Variants in MEI4 observed in about 807,000 individuals in gnomAD.
MEI4 encodes meiosis-specific protein MEI4.
Under a neutral mutation model 31.4 loss-of-function variants are expected in MEI4, and 27 were observed. The ratio of observed to expected loss-of-function variants is 0.86; its 90% CI spans 0.63 to 1.19. MEI4 has a LOEUF of 1.19. MEI4 is among the 50% of genes most tolerant of loss of function. MEI4 has a pLI of 0.00. For synonymous variants in MEI4, 122 were observed against 145.4 expected, an observed-to-expected ratio of 0.84 and a Z score of 1.16; for missense variants, 329 against 398.9, an observed-to-expected ratio of 0.82 and a Z score of 1.49.
intron 4 of MEI4, among the ~76,000 whole-genome samples, chr6:77,888,977 T>C (rs1315764189): frequency 1.3e-5 from 2 of 152,192 alleles, no homozygotes. Context: ...ACATATGTGC[T>C]TCCCCTTCCT....
At chr6:77,733,022 G>C (rs540088663) in intron 2 of MEI4, among the ~76,000 whole-genome samples, 1 of 151,654 alleles carries the variant, frequency 6.6e-6, no homozygotes, top group African/African-American at 2.4e-5. Flanking sequence ...TGCTGGATTC[G>C]TTTTGCCAGT....
At chr6:77,865,583 A>T (rs1162651853) in intron 4 of MEI4, among the ~76,000 whole-genome samples, 4 of 152,222 alleles carry the variant, frequency 2.6e-5, no homozygotes, top group African/African-American at 4.8e-5. Flanking sequence ...TGAGGCAATA[A>T]TTAATAGCTT....
At chr6:77,748,516 T>A (rs1419628036) in intron 2 of MEI4, among the ~76,000 whole-genome samples, 2 of 152,154 alleles carry the variant, frequency 1.3e-5, no homozygotes, top group Non-Finnish European at 2.9e-5. Context: ...AGCAGGAGTG[T>A]GGTCCTGGGC....
intron 2 of MEI4, among the ~76,000 whole-genome samples, chr6:77,743,006 C>T (rs912505233): frequency 2.6e-5 from 4 of 151,984 alleles, no homozygotes; most frequent in African/African-American, 9.7e-5. Flanking sequence ...CAGTACCATG[C>T]TGTTTTGGTT....
At chr6:77,799,403 A>T (rs1469844276) in intron 3 of MEI4, among the ~76,000 whole-genome samples, 1 of 151,992 alleles carries the variant, frequency 6.6e-6, no homozygotes, top group Admixed American at 6.6e-5. Flanking sequence ...GCCCTTTGTC[A>T]GATGAGTAGG....
At chr6:77,774,000 AAGAC>A (rs969826353) in intron 3 of MEI4, among the ~76,000 whole-genome samples, 11 of 152,226 alleles carry the variant, frequency 7.2e-5, no homozygotes, top group African/African-American at 2.4e-4. Flanking sequence ...TTTTATTAAA[AAGAC>A]AGATAATGAC....
chr6:77,904,662 G>A (rs1766253785), intron 4 of MEI4, among the ~76,000 whole-genome samples: 1 of 152,108 alleles, frequency 6.6e-6, no homozygotes, highest in African/African-American at 2.4e-5. Flanking sequence ...TATGACTGCA[G>A]AATATTCCAT....
intron 1 of MEI4, among the ~76,000 whole-genome samples, chr6:77,655,137 T>C (rs1348889677): frequency 4.5e-4 from 69 of 152,176 alleles, no homozygotes; most frequent in Admixed American, 4.5e-3. Context: ...CTCCCACTTA[T>C]GACTGAGAAC....
intron 4 of MEI4, among the ~76,000 whole-genome samples, chr6:77,919,876 C>T (rs377593004): frequency 1.7e-4 from 26 of 149,838 alleles, no homozygotes; most frequent in African/African-American, 3.9e-4. Flanking sequence ...AACACCTCTA[C>T]GCAAATAAAC....
chr6:77,793,307 T>C (rs1768989068), intron 3 of MEI4, among the ~76,000 whole-genome samples: 1 of 152,192 alleles, frequency 6.6e-6, no homozygotes, highest in South Asian at 2.1e-4. Flanking sequence ...AAGCTGTCCT[T>C]CATAAATGAA....
Position 77,761,252 on chromosome 6 carries a change from C to T in MEI4, c.355C>T (p.Gln119Ter). ...GAGAACTGAATCCTCAGACCTGTCCCAGCACTTTGTGGAAAGCTGTACCCC... is the reference window on the plus strand; with the variant it reads ...GAGAACTGAATCCTCAGACCTGTCCTAGCACTTTGTGGAAAGCTGTACCCC... Reference protein sequence around the residue: ...EQRTESSDLSQHFVESCTPTH... With the variant: ...EQRTESSDLS The change falls in exon 3 of 5, where the codon CAG becomes TAG. Residue 119 changes from glutamine (Q) to a stop codon, truncating the protein, a stop_gained. Transcript: ENST00000684080. LOFTEE classifies it high-confidence loss of function. The T allele has an allele frequency of 8.1e-7, 1 of 1,232,580 alleles. No individual in the cohort carries two copies. 76.4% of individuals were successfully genotyped at this position (1,232,580 alleles called of 1,614,324 possible). A position where few individuals can be genotyped will look rare whatever the true frequency, so the allele number is the denominator to read the frequency against.
intron 1 of MEI4, among the ~76,000 whole-genome samples, chr6:77,682,051 G>C (rs1339726621): frequency 6.6e-6 from 1 of 152,166 alleles, no homozygotes; most frequent in Non-Finnish European, 1.5e-5. Flanking sequence ...TTACATGTTA[G>C]ACCTTGTCCA....
At chr6:77,681,214 A>G (rs573959738) in intron 1 of MEI4, among the ~76,000 whole-genome samples, 27 of 152,094 alleles carry the variant, frequency 1.8e-4, no homozygotes, top group Non-Finnish European at 3.5e-4. Context: ...GATTCATCCT[A>G]TGTTCATTCT....
At chr6:77,840,577 T>C (rs868784628) in intron 4 of MEI4, among the ~76,000 whole-genome samples, 1 of 152,106 alleles carries the variant, frequency 6.6e-6, no homozygotes, top group Non-Finnish European at 1.5e-5. Flanking sequence ...CTAAAGATAA[T>C]TCTTTCTCCT....
chr6:77,852,131 G>A (rs1194566097), intron 4 of MEI4, among the ~76,000 whole-genome samples: 4 of 152,192 alleles, frequency 2.6e-5, no homozygotes, highest in Non-Finnish European at 4.4e-5. Flanking sequence ...TTTGCTCTAA[G>A]AACTTAAATG....
intron 4 of MEI4, among the ~76,000 whole-genome samples, chr6:77,842,984 T>C (rs955485144): frequency 6.6e-6 from 1 of 151,822 alleles, no homozygotes; most frequent in Non-Finnish European, 1.5e-5. Context: ...TATCAAATTC[T>C]ACCAAAATTT....
At chr6:77,870,804 A>G (rs1283221742) in intron 4 of MEI4, among the ~76,000 whole-genome samples, 2 of 152,150 alleles carry the variant, frequency 1.3e-5, no homozygotes, top group African/African-American at 4.8e-5. Context: ...TGTGTTTTGA[A>G]TTTGTAATGA....
chr6:77,754,885 A>G (rs1049125791), intron 2 of MEI4, among the ~76,000 whole-genome samples: 1 of 152,066 alleles, frequency 6.6e-6, no homozygotes, highest in Non-Finnish European at 1.5e-5. Context: ...AACCACCCCC[A>G]TGATCCAATC....
At chr6:77,784,657 G>C (rs1370787921) in intron 3 of MEI4, among the ~76,000 whole-genome samples, 2 of 152,112 alleles carry the variant, frequency 1.3e-5, no homozygotes, top group African/African-American at 2.4e-5. Flanking sequence ...TTATTACAAA[G>C]CACTTTTAAA....
Sources: allele counts gnomAD v4.1 joint callset (sites outside exome capture counted in the v4.1 genomes callset), GRCh38; gene constraint gnomAD v4.1.1; transcripts MANE v1.5; gene names NCBI Gene and HGNC (gene_info 2026-07-23, HGNC 2026-07-21).